MARK4: variants seen among roughly 807,000 people sequenced by gnomAD.
MARK4 encodes the protein MAP/microtubule affinity-regulating kinase 4.
In MARK4, 19 loss-of-function variants were observed where a neutral mutation model predicts 81.5. That is an observed-to-expected ratio of 0.23 (90% CI 0.16 to 0.34). The LOEUF (loss-of-function observed/expected upper bound fraction) is 0.34, where lower values mean the gene tolerates loss of function less well. MARK4 is among the 10% of genes least tolerant of loss of function. The probability of loss-of-function intolerance (pLI) is 1.00; values close to 1 mark genes in which losing one functional copy is unlikely to be tolerated. For missense variants in MARK4, 772 were observed against 1,058.8 expected, an observed-to-expected ratio of 0.73 and a Z score of 3.76; for synonymous variants, 436 against 439.0, an observed-to-expected ratio of 0.99 and a Z score of 0.08.
intron 12 of MARK4, among the ~76,000 whole-genome samples, chr19:45,283,283 T>TAGTGGCAGGCAG (rs1970700003): frequency 6.6e-6 from 1 of 150,820 alleles, no homozygotes; most frequent in African/African-American, 2.4e-5. Context: ...GTGGCAGGCG[T>TAGTGGCAGGCAG]CTGTAATCCC....
At chr19:45,299,452 T>G (rs531753920) in intron 15 of MARK4, among the ~76,000 whole-genome samples, 4 of 152,110 alleles carry the variant, frequency 2.6e-5, no homozygotes, top group East Asian at 1.9e-4. Flanking sequence ...GAAGGAGGTG[T>G]TGTTTGAGCA....
chr19:45,261,542 C>T lies in MARK4; in HGVS notation c.253-1571C>T, dbSNP rs188278718. On this transcript the variant is annotated intron_variant, in intron 2 of 16. Coordinates refer to ENST00000262891, the MANE Select transcript of MARK4 (RefSeq NM_001199867.2). Reference sequence around the variant, plus strand: ...AATATGAGGAAAGCTAAGGGGCTCTCTCTTCCATGAAGAACACATGGTTCC... The same window carrying T: ...AATATGAGGAAAGCTAAGGGGCTCTTTCTTCCATGAAGAACACATGGTTCC... 2.0e-5 allele frequency among the ~76,000 whole-genome samples: 3 copies of T among 152,366 alleles called. No individual in the cohort carries two copies. The East Asian group carries it at 5.8e-4, about 29-fold the overall frequency.
intron 4 of MARK4, among the ~76,000 whole-genome samples, chr19:45,263,741 CAAA>C (rs1294501274): frequency 8.9e-5 from 7 of 78,540 alleles, no homozygotes; most frequent in Non-Finnish European, 1.1e-4. Flanking sequence ...GACTTCATCT[CAAA>C]AAAAAAAAAA....
intron 14 of MARK4, among the ~76,000 whole-genome samples, chr19:45,296,989 G>C (rs1235398937): frequency 6.7e-6 from 1 of 150,310 alleles, no homozygotes; most frequent in African/African-American, 2.5e-5. Context: ...GGCAGAGGTT[G>C]CAGTAGCCAA....
chr19:45,276,365 G>A (rs1178395252), intron 8 of MARK4, among the ~76,000 whole-genome samples: 1 of 152,072 alleles, frequency 6.6e-6, no homozygotes, highest in Non-Finnish European at 1.5e-5. Context: ...AGCTCCCCCT[G>A]GTCTGCCAAG....
At chr19:45,281,363 C>CTTTATTT (rs1568498227) in intron 12 of MARK4, among the ~76,000 whole-genome samples, 1 of 86,156 alleles carries the variant, frequency 1.2e-5, no homozygotes, top group Non-Finnish European at 2.4e-5. Flanking sequence ...CTTTTCTTTT[C>CTTTATTT]TTTCTTTTTT....
Position 45,271,395 on chromosome 19 carries a change from C to G in MARK4, c.550-77C>G. ...CTGTGGGCCAGCCCTAGAGCCTGTG[C>G]TCCTGTCTGCCTCCCACGTCCATGA... On this transcript the variant is annotated intron_variant, in intron 7 of 16. Coordinates refer to ENST00000262891, the MANE Select transcript of MARK4 (RefSeq NM_001199867.2). The surrounding 1 kb of genome is among the most constrained non-coding windows in gnomAD (Gnocchi z 4.1). 7.7e-6 allele frequency: 11 copies of G among 1,431,432 alleles called. No homozygotes were observed. The highest frequency in any genetic ancestry group is 1.1e-5 in the Non-Finnish European group (11 of 1,029,648). The allele number at this position is 1,431,432 out of a possible 1,614,324, so 88.7% of individuals were successfully genotyped here.
chr19:45,303,223 C>G lies in MARK4; in HGVS notation c.*513C>G, dbSNP rs929578150. On this transcript the variant is annotated 3_prime_UTR_variant, in exon 17 of 17. Coordinates refer to ENST00000262891, the MANE Select transcript of MARK4 (RefSeq NM_001199867.2). The stretch of plus-strand genomic sequence containing the variant: ...CACTTTGTACAAATCCTTGTAAATA[C>G]CCCACACCCTCCCCTCTGCAAAGGT... 6.1e-6 allele frequency: 1 copy of G among 164,232 alleles called. No homozygotes were observed. Among genetic ancestry groups the G allele is most frequent in the East Asian group, 1.9e-4 (1 of 5,298 alleles). The allele number at this position is 164,232 out of a possible 1,614,324, so 10.2% of individuals were successfully genotyped here.
chr19:45,287,302 T>C (rs1047346250), intron 12 of MARK4, 145 bp from the exon 13 acceptor site: 6 of 506,084 alleles, frequency 1.2e-5, no homozygotes, highest in African/African-American at 1.2e-4. Flanking sequence ...GTTGGTAATC[T>C]TGAGGTAATT....
intron 12 of MARK4, among the ~76,000 whole-genome samples, chr19:45,283,070 T>G (rs1162353068): frequency 6.6e-6 from 1 of 152,016 alleles, no homozygotes; most frequent in Non-Finnish European, 1.5e-5. Context: ...ATGACCGATT[T>G]CAGAACATTT....
At chr19:45,276,518 C>T (rs576748325) in intron 8 of MARK4, among the ~76,000 whole-genome samples, 16 of 151,884 alleles carry the variant, frequency 1.1e-4, no homozygotes, top group African/African-American at 2.4e-4. Context: ...AGGGGAGAGA[C>T]GAGAAGGCAG....
intron 14 of MARK4, among the ~76,000 whole-genome samples, chr19:45,295,382 T>C (rs1432020258): frequency 6.6e-6 from 1 of 151,422 alleles, no homozygotes. Flanking sequence ...CACGATTCTG[T>C]GAATACTCAG....
chr19:45,290,446 C>A (rs958264144), intron 13 of MARK4, among the ~76,000 whole-genome samples: 4 of 152,254 alleles, frequency 2.6e-5, no homozygotes, highest in Admixed American at 2.6e-4. Flanking sequence ...CAAGTGTCCA[C>A]CTGTTACCAG....
chr19:45,252,392 A>C (rs1165757249), intron 1 of MARK4, among the ~76,000 whole-genome samples: 1 of 151,264 alleles, frequency 6.6e-6, no homozygotes, highest in Non-Finnish European at 1.5e-5. Context: ...CTAGGCCCTC[A>C]CCTCACCCAG....
chr19:45,281,050 A>C (rs1200425147), intron 12 of MARK4, among the ~76,000 whole-genome samples: 1 of 149,622 alleles, frequency 6.7e-6, no homozygotes, highest in African/African-American at 2.4e-5. Flanking sequence ...CTGATGTCCC[A>C]GCTCCCCGAT....
At chr19:45,281,421 C>T (rs1439762629) in intron 12 of MARK4, among the ~76,000 whole-genome samples, 3 of 142,548 alleles carry the variant, frequency 2.1e-5, no homozygotes, top group Admixed American at 7.2e-5. Context: ...AGTGCAGTGT[C>T]GTGATCTTGG....
intron 1 of MARK4, among the ~76,000 whole-genome samples, chr19:45,258,629 G>A (rs1970340174): frequency 6.6e-6 from 1 of 152,036 alleles, no homozygotes; most frequent in African/African-American, 2.4e-5. Context: ...GAACCCGGGA[G>A]GCAGAGGTTG....
chr19:45,267,221 G>T (rs934242529), intron 7 of MARK4, among the ~76,000 whole-genome samples: 2 of 151,914 alleles, frequency 1.3e-5, no homozygotes, highest in African/African-American at 4.8e-5. Flanking sequence ...ACCATGCCCA[G>T]CTATTTTTGT....
rs1970765091 is a variant in MARK4, at chr19:45,287,751, GAACTCCTTCTTACC to G, written c.1494+99_1494+112del. The G allele has an allele frequency of 3.5e-6, 5 of 1,433,940 alleles. No homozygotes were observed. The Admixed American group carries it at 7.8e-5, about 22-fold the overall frequency. 88.8% of individuals were successfully genotyped at this position (1,433,940 alleles called of 1,614,324 possible). On this transcript the variant is annotated intron_variant, in intron 13 of 16. Transcript: ENST00000262891. ...CTGCCTTCATCTCATTCCCCAGACG[GAACTCCTTCTTACC>G]AACTCCTTCTTCTACCCATTCATTC...
Sources: gnomAD v4.1 joint callset for allele counts (sites outside exome capture counted in the v4.1 genomes callset) on GRCh38, gnomAD v4.1.1 for gene constraint, Gnocchi (gnomAD v3.1) non-coding constraint, MANE v1.5 for transcripts, NCBI Gene and HGNC (gene_info 2026-07-23, HGNC 2026-07-21) for gene names.